PARPBP: variants seen among roughly 807,000 people sequenced by gnomAD.
PARPBP encodes the protein PARP1 binding protein, also known as PCNA-interacting partner.
A neutral mutation model predicts 50.0 loss-of-function variants in PARPBP; 52 were observed. The ratio of observed to expected loss-of-function variants is 1.04; its 90% confidence interval spans 0.83 to 1.31. The LOEUF (loss-of-function observed/expected upper bound fraction) is 1.31. Ranked by LOEUF, PARPBP falls within the 50% of genes most tolerant of loss-of-function variation. The probability of loss-of-function intolerance (pLI) is 0.00; values close to 1 mark genes in which losing one functional copy is unlikely to be tolerated. For missense variants in PARPBP, 697 were observed against 672.0 expected, an observed-to-expected ratio of 1.04 and a Z score of -0.41; for synonymous variants, 244 against 232.1, an observed-to-expected ratio of 1.05 and a Z score of -0.47.
At chr12:102,134,551 A>T (rs1427867343) in intron 2 of PARPBP, among the ~76,000 whole-genome samples, 2 of 152,208 alleles carry the variant, frequency 1.3e-5, no homozygotes, top group East Asian at 3.8e-4. Flanking sequence ...AATCCTTCTC[A>T]AACTCTTCCA....
chr12:102,129,078 G>A (rs949452853), intron 2 of PARPBP, among the ~76,000 whole-genome samples: 1 of 151,746 alleles, frequency 6.6e-6, no homozygotes, highest in African/African-American at 2.4e-5. Context: ...TATACCTCTT[G>A]GCAATTTGTG....
At chr12:102,134,213 T>A (rs1354334114) in intron 2 of PARPBP, among the ~76,000 whole-genome samples, 25 of 49,728 alleles carry the variant, frequency 5.0e-4, no homozygotes, top group South Asian at 9.3e-4. Context: ...AACCTTTAGG[T>A]AAAAGTAAGA....
rs1891350898 is a variant in PARPBP at position 102,196,811 on chromosome 12, G to T, written c.*520G>T. ...TAACTAATTCTGAGTAAACCAAAATGATAATAATTAATTGTTGCTATTTAA... is the reference window on the plus strand; with the variant it reads ...TAACTAATTCTGAGTAAACCAAAATTATAATAATTAATTGTTGCTATTTAA... On this transcript the variant is annotated 3_prime_UTR_variant, in exon 11 of 11. Coordinates refer to ENST00000327680, the MANE Select transcript of PARPBP (RefSeq NM_017915.5). 8 of 1,069,060 alleles carry T rather than the reference G, an allele frequency of 7.5e-6. No homozygotes were observed. The South Asian group carries it at 8.2e-5, about 11-fold the overall frequency. The allele number at this position is 1,069,060 out of a possible 1,614,324, so 66.2% of individuals were successfully genotyped here.
chr12:102,144,822 T>C (rs998855185), intron 2 of PARPBP, among the ~76,000 whole-genome samples: 1 of 152,128 alleles, frequency 6.6e-6, no homozygotes, highest in African/African-American at 2.4e-5. Flanking sequence ...CTTTGTGGGG[T>C]TGGGGAGTAA....
At chr12:102,178,516 C>A in intron 7 of PARPBP, 76 bp from the exon 8 acceptor site, 1 of 854,468 alleles carries the variant, frequency 1.2e-6, no homozygotes, top group Non-Finnish European at 1.7e-6. Flanking sequence ...GCCAGTGCCA[C>A]AGGGAATTTA....
At chr12:102,165,401 C>G in intron 5 of PARPBP, among the ~76,000 whole-genome samples, 1 of 152,108 alleles carries the variant, frequency 6.6e-6, no homozygotes, top group South Asian at 2.1e-4. Flanking sequence ...TAGTAGTCAA[C>G]TATATTATAA....
chr12:102,142,875 G>A lies in PARPBP; in HGVS notation c.154-5355G>A, dbSNP rs1034539129. 4.6e-5 allele frequency among the ~76,000 whole-genome samples: 7 copies of A among 152,268 alleles called. No homozygotes were observed. In the East Asian group the frequency reaches 7.7e-4, roughly 17 times the overall value. On this transcript the variant is annotated intron_variant, in intron 2 of 10. Transcript: ENST00000327680. ...GAAGTTTCGTCTCAGAGGGACACCC[G>A]GCCGTATGAGGTGTCAGTCGGCCCC... is the stretch of plus-strand genomic sequence containing the variant.
intron 2 of PARPBP, among the ~76,000 whole-genome samples, chr12:102,142,494 G>A (rs902400472): frequency 3.9e-5 from 6 of 152,068 alleles, no homozygotes; most frequent in African/African-American, 9.7e-5. Flanking sequence ...CTCTCAACTC[G>A]TCAAAGTCAT....
chr12:102,141,329 A>G (rs964008808), intron 2 of PARPBP, among the ~76,000 whole-genome samples: 3 of 149,362 alleles, frequency 2.0e-5, no homozygotes, highest in African/African-American at 4.9e-5. Context: ...TTTGTTTTCC[A>G]TTTGCTTGGT....
chr12:102,173,341 T>A (rs1165327972), intron 6 of PARPBP, among the ~76,000 whole-genome samples: 1 of 152,180 alleles, frequency 6.6e-6, no homozygotes, highest in Non-Finnish European at 1.5e-5. Flanking sequence ...AAGACAAGAG[T>A]TCCTGCTGTC....
At chr12:102,136,892 A>G (rs1008848585) in intron 2 of PARPBP, among the ~76,000 whole-genome samples, 38 of 151,886 alleles carry the variant, frequency 2.5e-4, no homozygotes, top group African/African-American at 9.2e-4. Flanking sequence ...TATATTTTTT[A>G]TCCTGTGTTT....
chr12:102,140,062 CAGCTCCTCTTTGTACCTCTGGT>C, intron 2 of PARPBP, among the ~76,000 whole-genome samples: 1 of 152,250 alleles, frequency 6.6e-6, no homozygotes, highest in Non-Finnish European at 1.5e-5. Context: ...AGAATGGTAC[CAGCTCCTCTTTGTACCTCTGGT>C]AGAATTTAGC....
chr12:102,155,630 A>G (rs1319742827), intron 4 of PARPBP, among the ~76,000 whole-genome samples: 1 of 149,940 alleles, frequency 6.7e-6, no homozygotes, highest in East Asian at 2.0e-4. Flanking sequence ...TGGAATATAA[A>G]CCCAGGCATT....
intron 9 of PARPBP, among the ~76,000 whole-genome samples, chr12:102,191,890 T>C (rs1890823575): frequency 6.6e-6 from 1 of 152,142 alleles, no homozygotes; most frequent in Non-Finnish European, 1.5e-5. Context: ...GTTTAGTACT[T>C]CAAAAGCACT....
At chr12:102,133,405 T>C (rs1029566173) in intron 2 of PARPBP, among the ~76,000 whole-genome samples, 2 of 152,276 alleles carry the variant, frequency 1.3e-5, no homozygotes, top group African/African-American at 2.4e-5. Context: ...GAGATGATCA[T>C]AGTGTTTTGT....
intron 9 of PARPBP, among the ~76,000 whole-genome samples, chr12:102,189,896 C>T (rs1443608559): frequency 6.6e-6 from 1 of 152,094 alleles, no homozygotes; most frequent in Non-Finnish European, 1.5e-5. Flanking sequence ...AGGAATTCAG[C>T]TGCATGGTTC....
intron 2 of PARPBP, among the ~76,000 whole-genome samples, chr12:102,136,335 G>A (rs1300332646): frequency 6.6e-6 from 1 of 152,198 alleles, no homozygotes; most frequent in African/African-American, 2.4e-5. Context: ...TTCAGAATCA[G>A]TATTGTATAG....
chr12:102,194,837 T>C (rs545504472), intron 9 of PARPBP, among the ~76,000 whole-genome samples: 1 of 151,760 alleles, frequency 6.6e-6, no homozygotes, highest in Non-Finnish European at 1.5e-5. Flanking sequence ...CTCACTTAGT[T>C]CTTTTTTTCA....
intron 9 of PARPBP, 52 bp from the exon 10 acceptor site, chr12:102,195,260 A>C: frequency 8.4e-7 from 1 of 1,194,734 alleles, no homozygotes; most frequent in Non-Finnish European, 1.2e-6. Context: ...CTAGATGAAG[A>C]AATAAAATAA....
Sources: gnomAD v4.1 joint callset for allele counts (sites outside exome capture counted in the v4.1 genomes callset) on GRCh38, gnomAD v4.1.1 for gene constraint, MANE v1.5 for transcripts, NCBI Gene and HGNC (gene_info 2026-07-23, HGNC 2026-07-21) for gene names.